TNS3: variants seen among roughly 807,000 people sequenced by gnomAD.
The protein encoded by TNS3 is tensin-3.
A neutral mutation model predicts 140.9 loss-of-function variants in TNS3; 45 were observed. That is an observed-to-expected ratio of 0.32 (90% CI 0.25 to 0.41). The LOEUF (loss-of-function observed/expected upper bound fraction) is 0.41, where lower values mean the gene tolerates loss of function less well. Ranked by LOEUF, TNS3 falls within the 10% of genes least tolerant of loss-of-function variation. TNS3 has a pLI of 1.00. For missense variants in TNS3, 1,716 were observed against 1,906.7 expected (o/e 0.90, Z 1.86); for synonymous variants, 815 against 788.4 (o/e 1.03, Z -0.56).
intron 3 of TNS3, among the ~76,000 whole-genome samples, chr7:47,506,278 T>A (rs376675843): frequency 6.6e-6 from 1 of 152,024 alleles, no homozygotes; most frequent in East Asian, 1.9e-4. Flanking sequence ...ACCATGTGCT[T>A]CTTCCTTGGG....
intron 20 of TNS3, among the ~76,000 whole-genome samples, chr7:47,337,822 T>TTCTGCCAATCTCC (rs1193031544): frequency 3.3e-5 from 5 of 152,240 alleles, no homozygotes; most frequent in Non-Finnish European, 5.9e-5. Flanking sequence ...TCCACCACTC[T>TTCTGCCAATCTCC]TCTGCCAATC....
chr7:47,341,694 A>G (rs944291728), intron 20 of TNS3, among the ~76,000 whole-genome samples: 5 of 151,598 alleles, frequency 3.3e-5, no homozygotes, highest in Non-Finnish European at 5.9e-5. Flanking sequence ...TATTTTCTCT[A>G]TTACTTCTCT....
rs142721418 is a variant in TNS3, at chr7:47,275,584, G to A, written c.*2492C>T. On this transcript the variant is annotated 3_prime_UTR_variant, in exon 31 of 31. Coordinates refer to ENST00000311160, the MANE Select transcript of TNS3 (RefSeq NM_022748.12). Reference sequence around the variant, plus strand: ...GTGTCCACGGTGGGGGCTCTCTCACGGTTTCTGAGCCCACAGTACAATCTG... The same window carrying A: ...GTGTCCACGGTGGGGGCTCTCTCACAGTTTCTGAGCCCACAGTACAATCTG... The A allele has an allele frequency of 6.4e-4, 210 of 327,400 alleles. No homozygotes were observed. The highest frequency in any genetic ancestry group is 3.9e-3 in the African/African-American group (181 of 46,012). The allele number at this position is 327,400 out of a possible 1,614,324, so 20.3% of individuals were successfully genotyped here. A position where few individuals can be genotyped will look rare whatever the true frequency, so the allele number is the denominator to read the frequency against.
chr7:47,429,792 A>G (rs983628326), intron 8 of TNS3, among the ~76,000 whole-genome samples: 33 of 152,224 alleles, frequency 2.2e-4, no homozygotes, highest in Admixed American at 1.5e-3. Context: ...TACTGATCAA[A>G]TTCAAGTCAC....
chr7:47,342,992 T>C (rs890317569), intron 20 of TNS3, among the ~76,000 whole-genome samples: 1 of 152,270 alleles, frequency 6.6e-6, no homozygotes, highest in Non-Finnish European at 1.5e-5. Context: ...CCCTGGGGAC[T>C]GCTGAAATAA....
At chr7:47,437,645 G>C (rs1199686577) in intron 6 of TNS3, among the ~76,000 whole-genome samples, 1 of 149,950 alleles carries the variant, frequency 6.7e-6, no homozygotes, top group African/African-American at 2.4e-5. Flanking sequence ...TACACATAAA[G>C]TCTATATTCT....
chr7:47,288,051 A>T (rs1785509003), intron 27 of TNS3, among the ~76,000 whole-genome samples: 3 of 152,252 alleles, frequency 2.0e-5, no homozygotes, highest in Admixed American at 2.0e-4. Context: ...CATTCAATTC[A>T]TTTATTAATT....
intron 3 of TNS3, among the ~76,000 whole-genome samples, chr7:47,482,887 A>G (rs1014620374): frequency 1.3e-5 from 2 of 152,252 alleles, no homozygotes; most frequent in Admixed American, 1.3e-4. Context: ...ACTATGGGAC[A>G]GTGAAAAGGT....
chr7:47,345,100 AGTTGTG>A, intron 18 of TNS3, 62 bp from the exon 19 acceptor site: 3 of 1,390,892 alleles, frequency 2.2e-6, no homozygotes, highest in Non-Finnish European at 2.0e-6. Context: ...CCCTCCAAAC[AGTTGTG>A]GTTGTGGCTC....
intron 20 of TNS3, among the ~76,000 whole-genome samples, chr7:47,319,485 G>A (rs1388871378): frequency 6.6e-6 from 1 of 152,166 alleles, no homozygotes; most frequent in Non-Finnish European, 1.5e-5. Context: ...TGAACTAACA[G>A]TGAGAACTCA....
intron 3 of TNS3, among the ~76,000 whole-genome samples, chr7:47,501,947 T>C (rs1174973587): frequency 1.3e-5 from 2 of 152,028 alleles, no homozygotes; most frequent in African/African-American, 4.8e-5. Context: ...GCTCAACTCG[T>C]GTTTTAGAGA....
At position 47,346,222 on chromosome 7, in the gene TNS3, G is replaced by A. The variant is rs146910644; in HGVS notation, c.2416C>T (p.Leu806=). The A allele has an allele frequency of 2.4e-4, 380 of 1,614,208 alleles. 2 individuals are homozygous for A. In the Middle Eastern group the frequency reaches 3.8e-3, roughly 16 times the overall value. The change falls in exon 18 of 31, where the codon CTG becomes TTG. Residue 806 remains leucine (L), a synonymous_variant. Transcript: ENST00000311160. The part of the protein sequence containing the change: ...GKAGVDYAPN[L]PPFPSPADVK... Reference sequence around the variant, plus strand: ...TCCGCTGGTGAGGGGAATGGCGGCAGGTTTGGGGCATAGTCCACACCAGCC... The same window carrying A: ...TCCGCTGGTGAGGGGAATGGCGGCAAGTTTGGGGCATAGTCCACACCAGCC...
At chr7:47,579,869 C>G in intron 1 of TNS3, 1 of 985,298 alleles carries the variant, frequency 1.0e-6, no homozygotes, top group Non-Finnish European at 1.2e-6. Context: ...CTCCTCAGGT[C>G]TCTGCTATCC....
intron 2 of TNS3, among the ~76,000 whole-genome samples, chr7:47,518,923 C>G (rs556342828): frequency 2.0e-5 from 3 of 152,198 alleles, no homozygotes; most frequent in Non-Finnish European, 4.4e-5. Context: ...AGAAATCAAT[C>G]GAGGTGGACT....
At chr7:47,433,038 A>G (rs1461064819) in intron 8 of TNS3, among the ~76,000 whole-genome samples, 1 of 152,170 alleles carries the variant, frequency 6.6e-6, no homozygotes, top group African/African-American at 2.4e-5. Context: ...TCAGTCAATA[A>G]CCAGGGTGTG....
Position 47,527,289 on chromosome 7 carries a change from G to A in TNS3, c.-153+1747C>T, listed in dbSNP as rs537971060. Among the ~76,000 whole-genome samples, 5 of 152,186 alleles carry A rather than the reference G, an allele frequency of 3.3e-5. No individual in the cohort carries two copies. In the South Asian group the frequency reaches 6.3e-4, roughly 19 times the overall value. On this transcript the variant is annotated intron_variant, in intron 2 of 30. Coordinates refer to ENST00000311160, the MANE Select transcript of TNS3 (RefSeq NM_022748.12). ...AAAATATGAGCATTTCTATGAGAAT[G>A]ACATTCAAAGATGGGGAGACTCCTT...
intron 17 of TNS3, among the ~76,000 whole-genome samples, chr7:47,354,630 T>A (rs1789882891): frequency 6.6e-6 from 1 of 150,586 alleles, no homozygotes; most frequent in African/African-American, 2.4e-5. Flanking sequence ...AAATCCTGCA[T>A]CCTCTCCTTA....
intron 16 of TNS3, among the ~76,000 whole-genome samples, chr7:47,377,645 A>C (rs1393739602): frequency 5.3e-5 from 8 of 149,912 alleles, no homozygotes. Context: ...CTCACAGCAG[A>C]CTAGACCCCA....
chr7:47,497,457 A>C (rs1279251797), intron 3 of TNS3, among the ~76,000 whole-genome samples: 1 of 152,160 alleles, frequency 6.6e-6, no homozygotes, highest in Non-Finnish European at 1.5e-5. Flanking sequence ...AAGAAACTGA[A>C]GCCCAAGGTC....
Sources: gnomAD v4.1 joint callset for allele counts (sites outside exome capture counted in the v4.1 genomes callset) on GRCh38, gnomAD v4.1.1 for gene constraint, MANE v1.5 for transcripts, NCBI Gene and HGNC (gene_info 2026-07-23, HGNC 2026-07-21) for gene names.